The following SCML4 variants were observed in gnomAD, a reference collection of about 807,000 sequenced individuals.
SCML4 encodes the protein Scm polycomb group protein like 4.
In SCML4, 34 loss-of-function variants were observed where a neutral mutation model predicts 41.1. That is an observed-to-expected ratio of 0.83 (90% confidence interval 0.63 to 1.10). The LOEUF is 1.10. Among genes scored for constraint, SCML4 ranks in the 50% least tolerant of loss-of-function variants. The probability of loss-of-function intolerance (pLI) is 0.00; values close to 1 mark genes in which losing one functional copy is unlikely to be tolerated. For synonymous variants in SCML4, 214 were observed against 220.9 expected, an observed-to-expected ratio of 0.97 and a Z score of 0.28; for missense variants, 522 against 534.1, an observed-to-expected ratio of 0.98 and a Z score of 0.22.
rs7754797 is a variant in SCML4, at chr6:107,738,612, G to C, written c.682+6337C>G. Among the ~76,000 whole-genome samples, 607 of 151,938 alleles carry C rather than the reference G, an allele frequency of 4.0e-3. 7 individuals carry two copies. The East Asian group carries it at 0.053, about 13-fold the overall frequency. ...CTCCAGCCTGGGCAACAGAGAGAGA[G>C]TCCATCTTGAAAAAAAAAGGATCGA... On this transcript the variant is annotated intron_variant, in intron 5 of 7. Transcript: ENST00000369020.
chr6:107,785,401 C>T (rs1367136014), intron 1 of SCML4, among the ~76,000 whole-genome samples: 4 of 152,226 alleles, frequency 2.6e-5, no homozygotes, highest in East Asian at 1.9e-4. Context: ...GAATCAGTTT[C>T]GTAGCCTGCA....
chr6:107,725,024 T>C (rs1257164669), intron 5 of SCML4, among the ~76,000 whole-genome samples: 1 of 152,158 alleles, frequency 6.6e-6, no homozygotes, highest in Non-Finnish European at 1.5e-5. Context: ...AGATTGGTGG[T>C]TACCAGAGGC....
chr6:107,794,918 T>C (rs947401633), intron 1 of SCML4, among the ~76,000 whole-genome samples: 1 of 152,200 alleles, frequency 6.6e-6, no homozygotes, highest in African/African-American at 2.4e-5. Context: ...CCTTCCTCCA[T>C]GGCCTCATGA....
chr6:107,714,499 A>G (rs1043409430), intron 6 of SCML4, among the ~76,000 whole-genome samples: 5 of 152,144 alleles, frequency 3.3e-5, no homozygotes, highest in Non-Finnish European at 7.3e-5. Flanking sequence ...CCTGACAGCA[A>G]TCATCACAAT....
At chr6:107,742,483 G>T (rs1777673749) in intron 5 of SCML4, among the ~76,000 whole-genome samples, 1 of 152,080 alleles carries the variant, frequency 6.6e-6, no homozygotes, top group South Asian at 2.1e-4. Flanking sequence ...CTACCCCAAG[G>T]CATATATTAT....
intron 3 of SCML4, among the ~76,000 whole-genome samples, chr6:107,749,146 G>A (rs936615930): frequency 6.6e-6 from 1 of 152,122 alleles, no homozygotes; most frequent in Non-Finnish European, 1.5e-5. Context: ...GCATGTGCGT[G>A]TGTGTGAGAG....
At chr6:107,774,839 T>C (rs1435571717) in intron 1 of SCML4, among the ~76,000 whole-genome samples, 4 of 151,924 alleles carry the variant, frequency 2.6e-5, no homozygotes, top group South Asian at 4.1e-4. Context: ...CTGGCCAACA[T>C]GGGGAAACCC....
the SCML4 span, among the ~76,000 whole-genome samples, chr6:107,833,308 G>A: frequency 1.3e-5 from 2 of 152,152 alleles, no homozygotes; most frequent in African/African-American, 2.4e-5. Flanking sequence ...CTAAGTCCGC[G>A]CTGTGTGTGT....
the SCML4 span, among the ~76,000 whole-genome samples, chr6:107,839,568 G>T: frequency 6.6e-6 from 1 of 152,116 alleles, no homozygotes; most frequent in East Asian, 1.9e-4. Flanking sequence ...CTTATAGAAT[G>T]ATTTGCCTTT....
intron 1 of SCML4, among the ~76,000 whole-genome samples, chr6:107,797,037 C>T (rs919120704): frequency 6.6e-6 from 1 of 152,082 alleles, no homozygotes; most frequent in Non-Finnish European, 1.5e-5. Context: ...TTTGTTTATA[C>T]TTATGCCAAT....
chr6:107,744,433 A>C (rs1777873922), intron 5 of SCML4, among the ~76,000 whole-genome samples: 1 of 152,162 alleles, frequency 6.6e-6, no homozygotes, highest in Non-Finnish European at 1.5e-5. Flanking sequence ...AGACATATTT[A>C]ATATATGGCC....
intron 1 of SCML4, among the ~76,000 whole-genome samples, chr6:107,784,008 G>A (rs1206909441): frequency 6.6e-6 from 1 of 152,150 alleles, no homozygotes; most frequent in Non-Finnish European, 1.5e-5. Flanking sequence ...GCAGCTGCAG[G>A]GACAGTGGCT....
chr6:107,762,305 G>A (rs777956420), intron 2 of SCML4, among the ~76,000 whole-genome samples: 5 of 151,868 alleles, frequency 3.3e-5, no homozygotes, highest in Non-Finnish European at 7.4e-5. Context: ...TCAAAAGGAA[G>A]GCAGAAAAGA....
intron 5 of SCML4, among the ~76,000 whole-genome samples, chr6:107,722,983 G>A (rs1229176195): frequency 6.6e-6 from 1 of 151,892 alleles, no homozygotes; most frequent in African/African-American, 2.4e-5. Flanking sequence ...AAAACCAAAA[G>A]CTTGTTCTTT....
chr6:107,714,156 T>C (rs1562169900), intron 6 of SCML4, among the ~76,000 whole-genome samples: 1 of 152,164 alleles, frequency 6.6e-6, no homozygotes, highest in Non-Finnish European at 1.5e-5. Flanking sequence ...ATCAGATTTT[T>C]CTTTTCAATT....
At chr6:107,705,970 GCATGTGGAGTT>G (rs1773579608) in intron 7 of SCML4, among the ~76,000 whole-genome samples, 1 of 152,174 alleles carries the variant, frequency 6.6e-6, no homozygotes, top group African/African-American at 2.4e-5. Context: ...CCTCCAGAAT[GCATGTGGAGTT>G]CATGAACCTA....
At chr6:107,751,578 C>CTTTCTTTA (rs1039126457) in intron 2 of SCML4, among the ~76,000 whole-genome samples, 14 of 69,964 alleles carry the variant, frequency 2.0e-4, no homozygotes, top group African/African-American at 8.1e-4. Flanking sequence ...AACAATCTTT[C>CTTTCTTTA]TTTCTTTCTT....
chr6:107,778,222 A>AATATATATATATATATATATATATAT (rs1163805768), intron 1 of SCML4, among the ~76,000 whole-genome samples: 1 of 15,536 alleles, frequency 6.4e-5, no homozygotes, highest in African/African-American at 1.5e-4. Context: ...AAAAAAAAAA[A>AATATATATATATATATATATATATAT]ATATATATAT....
chr6:107,735,026 C>T (rs1480567399), intron 5 of SCML4, among the ~76,000 whole-genome samples: 2 of 152,128 alleles, frequency 1.3e-5, no homozygotes, highest in African/African-American at 4.8e-5. Flanking sequence ...CAGGCATCCA[C>T]CACCACACCT....
Sources: allele counts gnomAD v4.1 joint callset (sites outside exome capture counted in the v4.1 genomes callset), GRCh38; gene constraint gnomAD v4.1.1; transcripts MANE v1.5; gene names NCBI Gene and HGNC (gene_info 2026-07-23, HGNC 2026-07-21).